Variants in NEK3 observed in about 807,000 individuals in gnomAD.
NEK3 encodes the protein NIMA related kinase 3.
A neutral mutation model predicts 66.0 loss-of-function variants in NEK3; 54 were observed. That is an observed-to-expected ratio of 0.82 (90% confidence interval 0.66 to 1.03). The LOEUF (loss-of-function observed/expected upper bound fraction) is 1.03. Ranked by LOEUF, NEK3 falls within the 50% of genes least tolerant of loss-of-function variation. The probability of loss-of-function intolerance (pLI) is 0.00; values close to 1 mark genes in which losing one functional copy is unlikely to be tolerated. For synonymous variants in NEK3, 200 were observed against 206.2 expected, an observed-to-expected ratio of 0.97 and a Z score of 0.26; for missense variants, 593 against 603.0, an observed-to-expected ratio of 0.98 and a Z score of 0.17.
In NEK3 at chr13:52,150,295, A is replaced by G. The variant is rs574968809; in HGVS notation, c.548+851T>C. Among the ~76,000 whole-genome samples, 6 of 152,310 alleles carry G rather than the reference A, an allele frequency of 3.9e-5. No homozygotes were observed. The South Asian group carries it at 1.0e-3, about 26-fold the overall frequency. ...TTATGAGACTGAAATGTGGAAATATAAGGCCAACAACAGAGGGATTACTAA... is the reference window on the plus strand; with the variant it reads ...TTATGAGACTGAAATGTGGAAATATGAGGCCAACAACAGAGGGATTACTAA... On this transcript the variant is annotated intron_variant, in intron 7 of 15. Coordinates refer to ENST00000610828, the MANE Select transcript of NEK3 (RefSeq NM_002498.3).
intron 10 of NEK3, among the ~76,000 whole-genome samples, chr13:52,142,052 A>C (rs1431508013): frequency 6.6e-6 from 1 of 151,932 alleles, no homozygotes; most frequent in Non-Finnish European, 1.5e-5. Flanking sequence ...GCACCACTGC[A>C]GTCCAGCCTG....
intron 10 of NEK3, among the ~76,000 whole-genome samples, chr13:52,143,464 T>A (rs143783654): frequency 2.0e-5 from 3 of 152,220 alleles, no homozygotes; most frequent in Admixed American, 6.5e-5. Flanking sequence ...CTCCGACGCA[T>A]CACTACCACC....
intron 14 of NEK3, among the ~76,000 whole-genome samples, chr13:52,135,170 A>G (rs561154272): frequency 7.0e-4 from 106 of 152,290 alleles, no homozygotes; most frequent in African/African-American, 2.5e-3. Context: ...TTATAAAAAA[A>G]TTATTTTATA....
At chr13:52,136,338 A>G in intron 12 of NEK3, 79 bp from the exon 13 acceptor site, 1 of 1,349,538 alleles carries the variant, frequency 7.4e-7, no homozygotes, top group Admixed American at 2.2e-5. Context: ...GACTCTAACA[A>G]ATATGGAAGT....
intron 8 of NEK3, among the ~76,000 whole-genome samples, chr13:52,145,714 A>ATGACAGAC (rs1183209825): frequency 1.3e-5 from 2 of 152,230 alleles, no homozygotes; most frequent in African/African-American, 4.8e-5. Flanking sequence ...GGGATATACA[A>ATGACAGAC]TGACAGACTG....
rs576684962 is a variant in NEK3, at chr13:52,133,060, T to A, written c.*82A>T. The A allele has an allele frequency of 1.0e-3, 1,072 of 1,065,122 alleles. 2 individuals are homozygous for A. The highest frequency in any genetic ancestry group is 3.4e-3 in the Admixed American group (162 of 48,210). The allele number at this position is 1,065,122 out of a possible 1,614,324, so 66.0% of individuals were successfully genotyped here. On this transcript the variant is annotated 3_prime_UTR_variant, in exon 16 of 16. Transcript: ENST00000610828. ...TTCTGTTTCCAAAGGAAAATATACG[T>A]CGCATGAACTCATGATCATCTCAGC...
chr13:52,152,245 A>C (rs1349262844), intron 5 of NEK3, among the ~76,000 whole-genome samples: 1 of 152,190 alleles, frequency 6.6e-6, no homozygotes, highest in Non-Finnish European at 1.5e-5. Context: ...GTTAATAATA[A>C]TGCATAGAAT....
At chr13:52,152,885 A>G (rs1213612564) in intron 4 of NEK3, among the ~76,000 whole-genome samples, 193 bp from the exon 5 acceptor site, 1 of 152,202 alleles carries the variant, frequency 6.6e-6, no homozygotes, top group East Asian at 1.9e-4. Context: ...TGTGACTCCC[A>G]TATTCCATCA....
chr13:52,133,959 C>A, intron 14 of NEK3, 144 bp from the exon 15 acceptor site: 1 of 765,316 alleles, frequency 1.3e-6, no homozygotes, highest in Non-Finnish European at 2.0e-6. Context: ...CCACATTACC[C>A]AACATGATTG....
intron 11 of NEK3, 53 bp downstream of exon 11, chr13:52,140,967 A>G (rs1203469403): frequency 6.9e-7 from 1 of 1,452,892 alleles, no homozygotes; most frequent in Non-Finnish European, 9.4e-7. Flanking sequence ...GGCTTGCACC[A>G]CCACGCCCGG....
chr13:52,132,989 T>C lies in NEK3; in HGVS notation c.*153A>G. Reference sequence around the variant, plus strand: ...AGTTCTAGACTTTTCAAACTCACGATACTAATCAAGAACGATTTTAAGTAT... The same window carrying C: ...AGTTCTAGACTTTTCAAACTCACGACACTAATCAAGAACGATTTTAAGTAT... On this transcript the variant is annotated 3_prime_UTR_variant, in exon 16 of 16. Transcript: ENST00000610828. The C allele has an allele frequency of 1.5e-6, 1 of 646,998 alleles. No homozygotes were observed. The highest frequency in any genetic ancestry group is 2.0e-5 in the South Asian group (1 of 50,834). The allele number at this position is 646,998 out of a possible 1,614,324, so 40.1% of individuals were successfully genotyped here. A position where few individuals can be genotyped will look rare whatever the true frequency, so the allele number is the denominator to read the frequency against.
At chr13:52,146,618 A>G (rs1298576065) in intron 8 of NEK3, among the ~76,000 whole-genome samples, 5 of 152,234 alleles carry the variant, frequency 3.3e-5, no homozygotes, top group African/African-American at 1.2e-4. Flanking sequence ...TTTGTAGACT[A>G]TGGTGGTTCT....
chr13:52,135,299 G>A (rs1956193901), intron 14 of NEK3, among the ~76,000 whole-genome samples: 1 of 152,128 alleles, frequency 6.6e-6, no homozygotes, highest in Non-Finnish European at 1.5e-5. Context: ...TCTTGGAGTT[G>A]TTGCTAAAGC....
chr13:52,148,158 CA>C, intron 8 of NEK3: 1 of 343,714 alleles, frequency 2.9e-6, no homozygotes, highest in Non-Finnish European at 5.2e-6. Flanking sequence ...TTAAGAATAG[CA>C]AAAAGAAAGA....
At chr13:52,146,975 C>G (rs1956300153) in intron 8 of NEK3, among the ~76,000 whole-genome samples, 1 of 152,148 alleles carries the variant, frequency 6.6e-6, no homozygotes, top group Non-Finnish European at 1.5e-5. Flanking sequence ...CTATGCAAAG[C>G]TAAGAACTAA....
Position 52,143,985 on chromosome 13 carries a change from G to A in NEK3, c.807C>T (p.Ile269=). 1 of 1,485,054 alleles carries A rather than the reference G, an allele frequency of 6.7e-7. No homozygotes were observed. The highest frequency in any genetic ancestry group is 9.1e-7 in the Non-Finnish European group (1 of 1,095,264). 92.0% of individuals were successfully genotyped at this position (1,485,054 alleles called of 1,614,324 possible). A position where few individuals can be genotyped will look rare whatever the true frequency, so the allele number is the denominator to read the frequency against. The change falls in exon 10 of 16, where the codon ATC becomes ATT. Residue 269 remains isoleucine, a splice_region_variant and synonymous_variant. Coordinates refer to ENST00000610828, the MANE Select transcript of NEK3 (RefSeq NM_002498.3). ...ATACTTCCTCACCATATTCCATGAT[G>A]ATCTGAAATTTAAAGTTGAGAATTT... is the stretch of plus-strand genomic sequence containing the variant. ...RLVQKCLPPE[I]IMEYGEEVLE...
intron 7 of NEK3, among the ~76,000 whole-genome samples, chr13:52,148,842 C>T (rs956532285): frequency 6.6e-6 from 1 of 152,164 alleles, no homozygotes; most frequent in African/African-American, 2.4e-5. Context: ...ACATCTCCTG[C>T]TGGCAGCTCT....
chr13:52,153,808 A>G (rs1050481230), intron 4 of NEK3, 87 bp downstream of exon 4: 33 of 876,334 alleles, frequency 3.8e-5, no homozygotes, highest in Non-Finnish European at 6.1e-5. Flanking sequence ...AATTACAGAT[A>G]TCAATGCTTT....
intron 10 of NEK3, among the ~76,000 whole-genome samples, chr13:52,142,857 A>T (rs188181299): frequency 6.6e-6 from 1 of 152,368 alleles, no homozygotes; most frequent in Admixed American, 6.5e-5. Context: ...ATCACTGATG[A>T]GAAATGAAAG....
Sources: gnomAD v4.1 joint callset for allele counts (sites outside exome capture counted in the v4.1 genomes callset) on GRCh38, gnomAD v4.1.1 for gene constraint, MANE v1.5 for transcripts, NCBI Gene and HGNC (gene_info 2026-07-23, HGNC 2026-07-21) for gene names.